The following GMDS variants were observed in gnomAD, a reference collection of about 807,000 sequenced individuals.
GMDS encodes the protein GDP-mannose 4,6 dehydratase.
A neutral mutation model predicts 49.9 loss-of-function variants in GMDS; 20 were observed. The observed-to-expected ratio is 0.40, with a 90% CI of 0.28 to 0.58. The LOEUF (loss-of-function observed/expected upper bound fraction) is 0.58, where lower values mean the gene tolerates loss of function less well. GMDS is among the 20% of genes least tolerant of loss of function. GMDS has a pLI of 0.42. For synonymous variants in GMDS, 177 were observed against 178.6 expected (o/e 0.99, Z 0.07); for missense variants, 362 against 481.4 (o/e 0.75, Z 2.32).
chr6:2,208,288 T>C (rs997645014), intron 1 of GMDS, among the ~76,000 whole-genome samples: 1 of 152,216 alleles, frequency 6.6e-6, no homozygotes, highest in Admixed American at 6.5e-5. Flanking sequence ...TTATCCATCA[T>C]TTTCAGGAGA....
chr6:1,811,063 A>G (rs1049183334), intron 7 of GMDS, among the ~76,000 whole-genome samples: 4 of 152,196 alleles, frequency 2.6e-5, no homozygotes, highest in African/African-American at 7.2e-5. Flanking sequence ...AACATGAAAC[A>G]GAATCTTGAT....
At chr6:1,753,648 C>T (rs991382294) in intron 7 of GMDS, among the ~76,000 whole-genome samples, 1 of 152,152 alleles carries the variant, frequency 6.6e-6, no homozygotes, top group Admixed American at 6.5e-5. Flanking sequence ...GTAAACACTC[C>T]TCAGCAAATG....
chr6:2,184,053 G>A (rs1463795793), intron 1 of GMDS, among the ~76,000 whole-genome samples: 1 of 151,932 alleles, frequency 6.6e-6, no homozygotes, highest in African/African-American at 2.4e-5. Context: ...ATATTCATGT[G>A]ACTCATTTTA....
intron 7 of GMDS, among the ~76,000 whole-genome samples, chr6:1,747,756 T>A (rs763861832): frequency 5.3e-5 from 8 of 152,190 alleles, no homozygotes; most frequent in African/African-American, 9.7e-5. Flanking sequence ...GGAATTCACA[T>A]AGGTAGGTCT....
chr6:1,705,128 CAT>C (rs1561743389), intron 9 of GMDS, among the ~76,000 whole-genome samples: 1 of 152,234 alleles, frequency 6.6e-6, no homozygotes, highest in East Asian at 1.9e-4. Flanking sequence ...TAGCTGACCA[CAT>C]GTCAGGCCAG....
chr6:1,636,934 C>G (rs1252334268), intron 9 of GMDS, among the ~76,000 whole-genome samples: 3 of 152,196 alleles, frequency 2.0e-5, no homozygotes, highest in Admixed American at 6.5e-5. Context: ...ATCGCTGGGA[C>G]CGGAAGAACT....
intron 7 of GMDS, among the ~76,000 whole-genome samples, chr6:1,805,132 T>C (rs570767808): frequency 6.6e-6 from 1 of 152,346 alleles, no homozygotes; most frequent in African/African-American, 2.4e-5. Flanking sequence ...TGTCTTTATA[T>C]TGTTAGATTT....
intron 4 of GMDS, among the ~76,000 whole-genome samples, chr6:2,058,434 C>A (rs979936503): frequency 2.0e-5 from 3 of 151,304 alleles, no homozygotes; most frequent in African/African-American, 7.3e-5. Context: ...CCAGTACGAG[C>A]GGTATCTAGC....
chr6:1,830,912 G>A (rs1422187954), intron 7 of GMDS, among the ~76,000 whole-genome samples: 3 of 152,164 alleles, frequency 2.0e-5, no homozygotes, highest in African/African-American at 7.2e-5. Context: ...AAACACTTCA[G>A]AAAATGTAGT....
intron 7 of GMDS, among the ~76,000 whole-genome samples, chr6:1,908,361 A>G (rs1364037317): frequency 6.6e-6 from 1 of 152,204 alleles, no homozygotes; most frequent in Non-Finnish European, 1.5e-5. Context: ...GGAGGGGGCT[A>G]CCGTACCATT....
chr6:1,679,195 C>T (rs924058580), intron 9 of GMDS: 4 of 152,216 alleles, frequency 2.6e-5, no homozygotes, highest in African/African-American at 9.6e-5. Flanking sequence ...ACACAGGAGA[C>T]AGTTACATCT....
At chr6:1,864,982 T>TA (rs1224576687) in intron 7 of GMDS, among the ~76,000 whole-genome samples, 6 of 152,206 alleles carry the variant, frequency 3.9e-5, no homozygotes, top group Admixed American at 1.3e-4. Context: ...GTACAGAAGA[T>TA]AGAGTTTTTG....
At chr6:1,922,881 T>A (rs993806657) in intron 7 of GMDS, among the ~76,000 whole-genome samples, 1 of 152,176 alleles carries the variant, frequency 6.6e-6, no homozygotes, top group Non-Finnish European at 1.5e-5. Flanking sequence ...CTTTCAAATC[T>A]CATCTTGAAT....
intron 4 of GMDS, among the ~76,000 whole-genome samples, chr6:2,024,289 T>C (rs1009168146): frequency 6.6e-6 from 1 of 152,076 alleles, no homozygotes; most frequent in Non-Finnish European, 1.5e-5. Context: ...TCACAGAAAC[T>C]ATCATCAAAG....
intron 1 of GMDS, among the ~76,000 whole-genome samples, chr6:2,227,148 T>C (rs111600798): frequency 6.6e-6 from 1 of 152,150 alleles, no homozygotes; most frequent in Non-Finnish European, 1.5e-5. Flanking sequence ...TTATTTTTAC[T>C]ATTCTGAATA....
At chr6:1,861,608 C>T (rs1045883274) in intron 7 of GMDS, among the ~76,000 whole-genome samples, 22 of 149,140 alleles carry the variant, frequency 1.5e-4, no homozygotes, top group Non-Finnish European at 2.8e-4. Flanking sequence ...GGCATCACTG[C>T]TCTTTCTCCC....
chr6:1,896,426 C>G (rs139541804), intron 7 of GMDS, among the ~76,000 whole-genome samples: 1 of 152,134 alleles, frequency 6.6e-6, no homozygotes, highest in Admixed American at 6.5e-5. Flanking sequence ...AGTCCTCACA[C>G]GAAGGACCTC....
chr6:2,041,546 T>C (rs1769679778), intron 4 of GMDS, among the ~76,000 whole-genome samples: 1 of 152,182 alleles, frequency 6.6e-6, no homozygotes, highest in South Asian at 2.1e-4. Context: ...TTTAAAACAT[T>C]ATCCACTAAC....
At chr6:1,694,595 G>A (rs1765275910) in intron 9 of GMDS, among the ~76,000 whole-genome samples, 1 of 152,068 alleles carries the variant, frequency 6.6e-6, no homozygotes, top group Non-Finnish European at 1.5e-5. Context: ...GCCCATGTGT[G>A]TATACACACA....
Sources: allele counts gnomAD v4.1 joint callset (sites outside exome capture counted in the v4.1 genomes callset), GRCh38; gene constraint gnomAD v4.1.1; transcripts MANE v1.5; gene names NCBI Gene and HGNC (gene_info 2026-07-23, HGNC 2026-07-21).